Variants in PLPPR1 observed in about 807,000 individuals in gnomAD.
The protein encoded by PLPPR1 is phospholipid phosphatase related 1, also known as phospholipid phosphatase-related protein type 1.
PLPPR1 carries 10 observed loss-of-function variants against 33.1 expected under a neutral mutation model. The observed-to-expected ratio is 0.30, with a 90% CI of 0.19 to 0.51. The LOEUF (loss-of-function observed/expected upper bound fraction) is 0.51. Ranked by LOEUF, PLPPR1 falls within the 20% of genes least tolerant of loss-of-function variation. The pLI, the probability that PLPPR1 is intolerant of heterozygous loss-of-function variation, is 0.97. For synonymous variants in PLPPR1, 151 were observed against 151.0 expected (o/e 1.00, Z 0.00); for missense variants, 304 against 408.1 (o/e 0.74, Z 2.20).
At chr9:101,227,371 T>C (rs1024141715) in intron 2 of PLPPR1, among the ~76,000 whole-genome samples, 4 of 152,204 alleles carry the variant, frequency 2.6e-5, no homozygotes, top group Non-Finnish European at 5.9e-5. Flanking sequence ...TAGTATCTCA[T>C]TGTGGTTTTG....
At chr9:101,196,100 A>T (rs1588067617) in intron 2 of PLPPR1, among the ~76,000 whole-genome samples, 1 of 152,330 alleles carries the variant, frequency 6.6e-6, no homozygotes, top group South Asian at 2.1e-4. Context: ...TTTGAATATA[A>T]TATCAACCAG....
intron 3 of PLPPR1, among the ~76,000 whole-genome samples, chr9:101,279,693 T>A (rs1368206391): frequency 6.6e-6 from 1 of 152,164 alleles, no homozygotes; most frequent in Non-Finnish European, 1.5e-5. Context: ...ACATGGAAAT[T>A]AAACAATACG....
chr9:101,221,795 T>A (rs935703190), intron 2 of PLPPR1, among the ~76,000 whole-genome samples: 1 of 152,170 alleles, frequency 6.6e-6, no homozygotes, highest in Non-Finnish European at 1.5e-5. Flanking sequence ...GAAGAATATA[T>A]ATTTACAGAG....
intron 2 of PLPPR1, among the ~76,000 whole-genome samples, chr9:101,258,762 G>A (rs1279375109): frequency 6.6e-6 from 1 of 152,108 alleles, no homozygotes; most frequent in Non-Finnish European, 1.5e-5. Context: ...GAGCTCTTGA[G>A]CCTCTCAGGC....
intron 5 of PLPPR1, among the ~76,000 whole-genome samples, chr9:101,309,811 A>G (rs1183306947): frequency 6.7e-6 from 1 of 149,008 alleles, no homozygotes; most frequent in Non-Finnish European, 1.5e-5. Flanking sequence ...CTTACCTCCC[A>G]CAACAGTACT....
chr9:101,206,292 T>TACAC (rs139793296), intron 2 of PLPPR1, among the ~76,000 whole-genome samples: 19,095 of 152,212 alleles, frequency 0.13, 1,418 homozygotes, highest in East Asian at 0.28. Context: ...TCTTGTGACA[T>TACAC]ACACAATACA....
intron 3 of PLPPR1, among the ~76,000 whole-genome samples, chr9:101,275,103 C>T (rs1197374273): frequency 6.6e-5 from 10 of 152,182 alleles, no homozygotes; most frequent in Non-Finnish European, 4.4e-5. Flanking sequence ...AAAACCATTT[C>T]CTGTTCTCTA....
At chr9:101,291,871 A>T (rs1334772474) in intron 4 of PLPPR1, among the ~76,000 whole-genome samples, 3 of 152,228 alleles carry the variant, frequency 2.0e-5, no homozygotes, top group African/African-American at 7.2e-5. Context: ...GGAAATTCTA[A>T]AAAGCAGAGC....
chr9:101,151,985 A>G (rs530682399), intron 1 of PLPPR1, among the ~76,000 whole-genome samples: 1 of 152,302 alleles, frequency 6.6e-6, no homozygotes, highest in South Asian at 2.1e-4. Flanking sequence ...TGTCTTCCAC[A>G]ATGGTTGAAC....
intron 4 of PLPPR1, among the ~76,000 whole-genome samples, chr9:101,296,386 T>G (rs1828638775): frequency 6.6e-6 from 1 of 151,632 alleles, no homozygotes; most frequent in African/African-American, 2.4e-5. Context: ...TGGAAGTCAG[T>G]GTGGCAATTC....
intron 3 of PLPPR1, among the ~76,000 whole-genome samples, chr9:101,272,869 A>G (rs1392635503): frequency 6.6e-6 from 1 of 152,210 alleles, no homozygotes; most frequent in Non-Finnish European, 1.5e-5. Context: ...TTTGTTAAAG[A>G]TGTATTAAGA....
At chr9:101,218,573 A>G (rs543366146) in intron 2 of PLPPR1, among the ~76,000 whole-genome samples, 18 of 152,342 alleles carry the variant, frequency 1.2e-4, no homozygotes, top group African/African-American at 4.1e-4. Context: ...AAAAATATAT[A>G]GGGCATAGTG....
intron 7 of PLPPR1, among the ~76,000 whole-genome samples, chr9:101,320,039 ACT>A (rs1290216215): frequency 6.6e-6 from 1 of 152,002 alleles, no homozygotes; most frequent in Non-Finnish European, 1.5e-5. Context: ...AGATGTCCAG[ACT>A]CTATTTTGAG....
intron 1 of PLPPR1, among the ~76,000 whole-genome samples, chr9:101,066,300 A>G (rs1830412972): frequency 6.6e-6 from 1 of 152,064 alleles, no homozygotes. Context: ...GTGACTTATC[A>G]GTATTGATGT....
intron 2 of PLPPR1, among the ~76,000 whole-genome samples, chr9:101,194,683 G>A (rs1432277965): frequency 5.3e-5 from 8 of 151,718 alleles, no homozygotes; most frequent in Admixed American, 2.6e-4. Context: ...CCCGGGAGGC[G>A]GAGGTTGCGG....
At position 101,137,126 on chromosome 9, in the gene PLPPR1, C is replaced by G. The variant is rs572400900; in HGVS notation, c.-45-48324C>G. 5.9e-5 allele frequency among the ~76,000 whole-genome samples: 9 copies of G among 152,134 alleles called. No homozygotes were observed. The East Asian group carries it at 1.7e-3, about 29-fold the overall frequency. On this transcript the variant is annotated intron_variant, in intron 1 of 7. Coordinates refer to ENST00000374874, the MANE Select transcript of PLPPR1 (RefSeq NM_207299.2). ...TGTACATATGTAGACATACTACATA[C>G]CCATAAAAATTAAAAATGAAAAAGA...
At chr9:101,041,188 T>C (rs1040641326) in intron 1 of PLPPR1, among the ~76,000 whole-genome samples, 6 of 152,208 alleles carry the variant, frequency 3.9e-5, no homozygotes, top group African/African-American at 1.2e-4. Flanking sequence ...AGCTTACTTA[T>C]GCCATGAGTC....
chr9:101,053,014 G>A (rs533037035), intron 1 of PLPPR1, among the ~76,000 whole-genome samples: 83 of 152,240 alleles, frequency 5.5e-4, no homozygotes, highest in African/African-American at 1.9e-3. Flanking sequence ...AGGACAGGGC[G>A]GAGGCAGCAC....
In PLPPR1 at chr9:101,165,411, T is replaced by C. The variant is rs551728820; in HGVS notation, c.-45-20039T>C. ...ATCTGAGAAGGCTTCATGGCAGGGG[T>C]AGAAACTGAACTATGCCTTGAAGGA... is the stretch of plus-strand genomic sequence containing the variant. On this transcript the variant is annotated intron_variant, in intron 1 of 7. Transcript: ENST00000374874. 3.3e-5 allele frequency among the ~76,000 whole-genome samples: 5 copies of C among 152,180 alleles called. No homozygotes were observed. The South Asian group carries it at 1.0e-3, about 32-fold the overall frequency.
Sources: gnomAD v4.1 joint callset for allele counts (sites outside exome capture counted in the v4.1 genomes callset) on GRCh38, gnomAD v4.1.1 for gene constraint, MANE v1.5 for transcripts, NCBI Gene and HGNC (gene_info 2026-07-23, HGNC 2026-07-21) for gene names.